Variants in GALNT13 observed in about 807,000 individuals in gnomAD.
GALNT13 encodes UDP-GalNAc:polypeptide N-acetylgalactosaminyltransferase 13.
Under a neutral mutation model 64.2 loss-of-function variants are expected in GALNT13, and 28 were observed. That is an observed-to-expected ratio of 0.44 (90% confidence interval 0.32 to 0.60). The LOEUF is 0.60. GALNT13 is among the 20% of genes least tolerant of loss of function. The probability of loss-of-function intolerance (pLI) is 0.05; values close to 1 mark genes in which losing one functional copy is unlikely to be tolerated. For synonymous variants in GALNT13, 214 were observed against 224.6 expected (o/e 0.95, Z 0.42); for missense variants, 577 against 669.8 (o/e 0.86, Z 1.53).
chr2:154,242,328 G>A (rs1201812864), intron 5 of GALNT13, 132 bp downstream of exon 5: 12 of 731,190 alleles, frequency 1.6e-5, no homozygotes, highest in Non-Finnish European at 2.4e-5. Flanking sequence ...AATTTTACTA[G>A]CCCTGCCACA....
chr2:153,165,541 T>C, the GALNT13 span, among the ~76,000 whole-genome samples: 1 of 152,362 alleles, frequency 6.6e-6, no homozygotes, highest in South Asian at 2.1e-4. Flanking sequence ...AAATATCTTT[T>C]TAGTAAGCAA....
intron 3 of GALNT13, among the ~76,000 whole-genome samples, chr2:153,981,547 T>C (rs1694463464): frequency 6.6e-6 from 1 of 152,162 alleles, no homozygotes; most frequent in Non-Finnish European, 1.5e-5. Context: ...GGACATGAAC[T>C]CATCCTTTTT....
chr2:153,624,588 A>C, the GALNT13 span, among the ~76,000 whole-genome samples: 1 of 152,096 alleles, frequency 6.6e-6, no homozygotes, highest in Non-Finnish European at 1.5e-5. Flanking sequence ...AGTAGAGTCC[A>C]ACAGTGTCTC....
intron 4 of GALNT13, among the ~76,000 whole-genome samples, chr2:154,163,323 A>T (rs1428537646): frequency 6.6e-6 from 1 of 152,050 alleles, no homozygotes; most frequent in Non-Finnish European, 1.5e-5. Context: ...TTTTGCAAAG[A>T]TCAACAAAAT....
chr2:153,184,815 A>G, the GALNT13 span, among the ~76,000 whole-genome samples: 1 of 152,136 alleles, frequency 6.6e-6, no homozygotes, highest in Non-Finnish European at 1.5e-5. Context: ...GATGAAGCCA[A>G]CTTGATTTTA....
At chr2:153,186,710 G>C in the GALNT13 span, among the ~76,000 whole-genome samples, 1 of 152,204 alleles carries the variant, frequency 6.6e-6, no homozygotes, top group South Asian at 2.1e-4. Context: ...GGGAGTACAG[G>C]TGTCTGCAAC....
chr2:154,364,226 CT>C (rs1044388208), intron 9 of GALNT13, among the ~76,000 whole-genome samples: 36 of 152,274 alleles, frequency 2.4e-4, no homozygotes, highest in African/African-American at 8.4e-4. Context: ...CTAATTTTAT[CT>C]CATGGAGTTA....
chr2:153,207,827 T>G, the GALNT13 span, among the ~76,000 whole-genome samples: 41 of 152,288 alleles, frequency 2.7e-4, no homozygotes, highest in East Asian at 6.6e-3. Context: ...TTGAAGCACT[T>G]GGCAGCACCA....
the GALNT13 span, among the ~76,000 whole-genome samples, chr2:153,248,074 CCTG>C: frequency 1.3e-5 from 2 of 152,146 alleles, no homozygotes; most frequent in African/African-American, 4.8e-5. Context: ...TAATTGATAG[CCTG>C]CTAACTAAAA....
chr2:153,392,619 A>C, the GALNT13 span, among the ~76,000 whole-genome samples: 1 of 152,024 alleles, frequency 6.6e-6, no homozygotes, highest in Non-Finnish European at 1.5e-5. Context: ...TCTGCTGACA[A>C]AACTCCCTCT....
chr2:153,565,915 AT>A, the GALNT13 span, among the ~76,000 whole-genome samples: 136 of 152,122 alleles, frequency 8.9e-4, 1 homozygote, highest in East Asian at 0.012. Flanking sequence ...ATGAAAAAAA[AT>A]AAGTTCAAAA....
At chr2:153,357,319 T>C in the GALNT13 span, 19 of 152,298 alleles carry the variant, frequency 1.2e-4, no homozygotes, top group African/African-American at 4.6e-4. Flanking sequence ...AGCAAGTAAT[T>C]TGAGTAAAAA....
chr2:154,003,774 G>A (rs575954747), intron 3 of GALNT13, among the ~76,000 whole-genome samples: 5 of 152,138 alleles, frequency 3.3e-5, no homozygotes, highest in East Asian at 1.9e-4. Context: ...GTGAGTGGGC[G>A]AATTGTGAGA....
intron 3 of GALNT13, among the ~76,000 whole-genome samples, chr2:153,957,245 C>T (rs1692623192): frequency 6.6e-6 from 1 of 152,114 alleles, no homozygotes; most frequent in Non-Finnish European, 1.5e-5. Context: ...ATTTTGTTTG[C>T]CTCAATAGGT....
chr2:153,574,335 T>C, the GALNT13 span, among the ~76,000 whole-genome samples: 230 of 152,220 alleles, frequency 1.5e-3, no homozygotes, highest in Non-Finnish European at 1.8e-3. Flanking sequence ...ATAGTCTTCT[T>C]TGGGTGAAAT....
chr2:154,365,062 A>T (rs1697292902), intron 9 of GALNT13, among the ~76,000 whole-genome samples: 1 of 152,210 alleles, frequency 6.6e-6, no homozygotes, highest in Admixed American at 6.5e-5. Context: ...AAACTAGTTC[A>T]ACATCGTTCA....
intron 3 of GALNT13, among the ~76,000 whole-genome samples, chr2:154,072,116 A>G (rs910479617): frequency 6.6e-6 from 1 of 152,136 alleles, no homozygotes; most frequent in South Asian, 2.1e-4. Flanking sequence ...TGATAAAACT[A>G]TGGAAAACAT....
chr2:153,370,967 C>A, the GALNT13 span: 1 of 214,168 alleles, frequency 4.7e-6, no homozygotes, highest in Non-Finnish European at 9.9e-6. Context: ...ATGACCAGTG[C>A]CAACACCTTG....
chr2:153,843,882 G>A, the GALNT13 span, among the ~76,000 whole-genome samples: 1 of 152,204 alleles, frequency 6.6e-6, no homozygotes, highest in Non-Finnish European at 1.5e-5. Context: ...TAGGTTCCAT[G>A]TACCACATCC....
Sources: gnomAD v4.1 joint callset for allele counts (sites outside exome capture counted in the v4.1 genomes callset) on GRCh38, gnomAD v4.1.1 for gene constraint, MANE v1.5 for transcripts, NCBI Gene and HGNC (gene_info 2026-07-23, HGNC 2026-07-21) for gene names.